The following ASPHD1 variants were observed in gnomAD, a reference collection of about 807,000 sequenced individuals.
ASPHD1 encodes aspartate beta-hydroxylase domain-containing protein 1.
ASPHD1 carries 20 observed loss-of-function variants against 28.3 expected under a neutral mutation model. The observed-to-expected ratio is 0.71, with a 90% CI of 0.50 to 1.03. ASPHD1 has a LOEUF of 1.03. Among genes scored for constraint, ASPHD1 ranks in the 50% least tolerant of loss-of-function variants. The pLI, the probability that ASPHD1 is intolerant of heterozygous loss-of-function variation, is 0.00. For missense variants in ASPHD1, 479 were observed against 524.1 expected (o/e 0.91, Z 0.84); for synonymous variants, 240 against 221.2 (o/e 1.08, Z -0.75).
chr16:29,911,040 G>A (rs774587516), downstream of ASPHD1: 8 of 1,614,010 alleles, frequency 5.0e-6, no homozygotes, highest in Middle Eastern at 1.6e-4. Context: ...GCGATTTTGC[G>A]GCCCTGCCCG....
In ASPHD1 at chr16:29,900,632, T is replaced by G. The variant is rs534631010; in HGVS notation, c.-340T>G. The G allele has an allele frequency of 2.9e-6, 1 of 348,458 alleles. No individual in the cohort carries two copies. The highest frequency in any genetic ancestry group is 5.3e-6 in the Non-Finnish European group (1 of 189,482). 21.6% of individuals were successfully genotyped at this position (348,458 alleles called of 1,614,324 possible). On this transcript the variant is annotated 5_prime_UTR_variant, in exon 1 of 3. Transcript: ENST00000308748. ...GCGAGAGCCAGGCAGGACCGCAGGG[T>G]CGGGGCTAGTGAGGAGCGAGGGCAA...
chr16:29,902,405 G>A (rs2068561389), intron 1 of ASPHD1, among the ~76,000 whole-genome samples: 1 of 152,146 alleles, frequency 6.6e-6, no homozygotes, highest in Non-Finnish European at 1.5e-5. Context: ...CTCCAGCCTG[G>A]GTGACAAGAA....
downstream of ASPHD1, chr16:29,919,673 C>A (rs1168679522): frequency 2.6e-5 from 4 of 151,930 alleles, no homozygotes; most frequent in Admixed American, 1.3e-4. Flanking sequence ...GTAAAGATGG[C>A]AATTATTAAC....
At chr16:29,911,909 G>A in intron 3 of ASPHD1, 1 of 1,609,848 alleles carries the variant, frequency 6.2e-7, no homozygotes, top group Admixed American at 1.7e-5. Flanking sequence ...TGAGGCTGCA[G>A]GGAGAGGCCC....
At chr16:29,914,046 T>A (rs946746468) in intron 3 of ASPHD1, 15 of 152,188 alleles carry the variant, frequency 9.9e-5, no homozygotes, top group African/African-American at 3.4e-4. Context: ...GCCAGGCTGG[T>A]CTCAAACTCC....
intron 3 of ASPHD1, among the ~76,000 whole-genome samples, chr16:29,916,925 G>T (rs181236868): frequency 6.6e-6 from 1 of 152,292 alleles, no homozygotes; most frequent in Admixed American, 6.5e-5. Flanking sequence ...GTCGGCAGGG[G>T]CTTCAGTTCC....
chr16:29,908,647 G>T (rs2068653561), downstream of ASPHD1, among the ~76,000 whole-genome samples: 1 of 150,500 alleles, frequency 6.6e-6, no homozygotes, highest in Admixed American at 6.6e-5. Flanking sequence ...GCCTCCCAAA[G>T]TGCTGGGATT....
chr16:29,901,016 G>A lies in ASPHD1; in HGVS notation c.45G>A (p.Arg15=). The A allele has an allele frequency of 6.4e-7, 1 of 1,571,444 alleles. No homozygotes were observed. The highest frequency in any genetic ancestry group is 8.6e-7 in the Non-Finnish European group (1 of 1,157,638). Residue 15 remains arginine, a synonymous_variant, in exon 1 of 3, where the codon CGG becomes CGA. Coordinates refer to ENST00000308748, the MANE Select transcript of ASPHD1 (RefSeq NM_181718.4). This position sits in a 1 kb window ranked among gnomAD's most constrained non-coding sequence, Gnocchi z 5.1. ...RGSFSVERGP[R]KERETAQSGM... Reference sequence around the variant, plus strand: ...GCTTCAGCGTGGAGAGAGGACCGCGGAAGGAGAGAGAGACAGCCCAGAGTG... The same window carrying A: ...GCTTCAGCGTGGAGAGAGGACCGCGAAAGGAGAGAGAGACAGCCCAGAGTG...
intron 3 of ASPHD1, among the ~76,000 whole-genome samples, chr16:29,918,871 G>A (rs773610226): frequency 6.6e-6 from 1 of 151,896 alleles, no homozygotes; most frequent in Non-Finnish European, 1.5e-5. Flanking sequence ...TGTTGGCCAG[G>A]CTGGTCTTGA....
chr16:29,906,772 C>T (rs754709131), downstream of ASPHD1: 43 of 1,026,780 alleles, frequency 4.2e-5, no homozygotes, highest in South Asian at 2.3e-4. Flanking sequence ...GGAGGACCCA[C>T]GACTTGGCCA....
At chr16:29,919,026 T>C (rs532616892) in intron 3 of ASPHD1, among the ~76,000 whole-genome samples, 29 of 152,008 alleles carry the variant, frequency 1.9e-4, no homozygotes, top group Non-Finnish European at 1.6e-4. Flanking sequence ...ACTCCTGACC[T>C]CAAGTGATCC....
chr16:29,904,416 A>C (rs2068581186), intron 1 of ASPHD1, among the ~76,000 whole-genome samples: 1 of 151,796 alleles, frequency 6.6e-6, no homozygotes, highest in Admixed American at 6.6e-5. Flanking sequence ...ACTGCACTCC[A>C]ACCTGGCGAC....
Position 29,906,043 on chromosome 16 carries a change from G to A in ASPHD1, c.*146G>A, listed in dbSNP as rs1185507657. 4 of 570,644 alleles carry A rather than the reference G, an allele frequency of 7.0e-6. No individual in the cohort carries two copies. Among genetic ancestry groups the A allele is most frequent in the East Asian group, 3.1e-5 (1 of 32,144 alleles). 35.3% of individuals were successfully genotyped at this position (570,644 alleles called of 1,614,324 possible). On this transcript the variant is annotated 3_prime_UTR_variant, in exon 3 of 3. Coordinates refer to ENST00000308748, the MANE Select transcript of ASPHD1 (RefSeq NM_181718.4). Reference sequence around the variant, plus strand: ...TAGTGAGCACTGAAATATAAATTCTGAATCCTCTCCTAACTCCCGACTACT... The same window carrying A: ...TAGTGAGCACTGAAATATAAATTCTAAATCCTCTCCTAACTCCCGACTACT...
chr16:29,903,726 A>C (rs2068575190), intron 1 of ASPHD1, among the ~76,000 whole-genome samples: 1 of 151,856 alleles, frequency 6.6e-6, no homozygotes, highest in Admixed American at 6.6e-5. Context: ...TTCAACCTAG[A>C]ATCCCCTTCC....
intron 3 of ASPHD1, among the ~76,000 whole-genome samples, chr16:29,916,638 A>G (rs922953732): frequency 6.6e-6 from 1 of 151,868 alleles, no homozygotes; most frequent in Non-Finnish European, 1.5e-5. Context: ...CCAAGGCTGG[A>G]GGACTGCTTG....
chr16:29,902,889 CTT>C (rs1246460346), intron 1 of ASPHD1, among the ~76,000 whole-genome samples: 5 of 129,798 alleles, frequency 3.9e-5, no homozygotes, highest in Admixed American at 8.2e-5. Context: ...TTTTCTTTTT[CTT>C]TTTTTTTTTT....
chr16:29,911,767 G>A (rs2068714930), intron 3 of ASPHD1: 27 of 1,600,554 alleles, frequency 1.7e-5, no homozygotes, highest in Non-Finnish European at 2.2e-5. Flanking sequence ...AAGCAGGGCT[G>A]TGCTGCATCC....
chr16:29,906,812 G>A, downstream of ASPHD1: 1 of 1,458,430 alleles, frequency 6.9e-7, no homozygotes, highest in Non-Finnish European at 9.5e-7. Flanking sequence ...CTGGGAAGGG[G>A]AGGGAAAGAG....
Position 29,904,935 on chromosome 16 carries a change from G to A in ASPHD1, c.1033G>A (p.Asp345Asn), listed in dbSNP as rs375732156. 20 of 1,613,254 alleles carry A rather than the reference G, an allele frequency of 1.2e-5. No homozygotes were observed. In the East Asian group the frequency reaches 1.3e-4, roughly 11 times the overall value. Reference sequence around the variant, plus strand: ...TGAGGGGCACTGTCTACTGGTGGACGACTCTTTTCTACACACAGTGGCTCA... The same window carrying A: ...TGAGGGGCACTGTCTACTGGTGGACAACTCTTTTCTACACACAGTGGCTCA... ...WAEGHCLLVD[D>N]SFLHTVAHNG... The change falls in exon 2 of 3, where the codon GAC (aspartate) becomes AAC (asparagine). Residue 345 changes from aspartate to asparagine, a missense_variant. Transcript: ENST00000308748.
Sources: allele counts gnomAD v4.1 joint callset (sites outside exome capture counted in the v4.1 genomes callset), GRCh38; gene constraint gnomAD v4.1.1; non-coding constraint Gnocchi (gnomAD v3.1); transcripts MANE v1.5; gene names NCBI Gene and HGNC (gene_info 2026-07-23, HGNC 2026-07-21).